EPB41L1: variants seen among roughly 807,000 people sequenced by gnomAD.
EPB41L1 encodes the protein band 4.1-like protein 1.
Under a neutral mutation model 97.8 loss-of-function variants are expected in EPB41L1, and 29 were observed. That is an observed-to-expected ratio of 0.30 (90% CI 0.22 to 0.40). The LOEUF is 0.40. Among genes scored for constraint, EPB41L1 ranks in the 10% least tolerant of loss-of-function variants. The probability of loss-of-function intolerance (pLI) is 1.00; values close to 1 mark genes in which losing one functional copy is unlikely to be tolerated. For missense variants in EPB41L1, 812 were observed against 1,162.3 expected (o/e 0.70, Z 4.38); for synonymous variants, 383 against 459.2 (o/e 0.83, Z 2.12).
chr20:36,098,427 G>T (rs2147476585), intron 1 of EPB41L1, among the ~76,000 whole-genome samples: 1 of 152,278 alleles, frequency 6.6e-6, no homozygotes, highest in Non-Finnish European at 1.5e-5. Context: ...TGTCAGCAAG[G>T]TTGGCTCCTT....
intron 1 of EPB41L1, among the ~76,000 whole-genome samples, chr20:36,107,547 C>T (rs1292582855): frequency 7.1e-6 from 1 of 141,610 alleles, no homozygotes; most frequent in African/African-American, 2.6e-5. Flanking sequence ...ATCATAAAGG[C>T]GGCTGGGCAT....
intron 1 of EPB41L1, among the ~76,000 whole-genome samples, chr20:36,159,304 A>G (rs1018111479): frequency 2.0e-5 from 3 of 152,222 alleles, no homozygotes; most frequent in African/African-American, 7.2e-5. Context: ...ATAGCAGTAA[A>G]TTGGGACTAA....
Position 36,209,763 on chromosome 20 carries a change from C to T in EPB41L1, c.1944C>T (p.Ser648=), listed in dbSNP as rs202053612. 2.9e-5 allele frequency: 47 copies of T among 1,614,126 alleles called. No individual in the cohort carries two copies. The East Asian group carries it at 6.9e-4, about 24-fold the overall frequency. Residue 648 remains serine (S), a synonymous_variant, in exon 15 of 22, where the codon AGC becomes AGT. Transcript: ENST00000338074. This position sits in a 1 kb window ranked among gnomAD's most constrained non-coding sequence, Gnocchi z 4.2. ...TGCCTGAGCTCGACCGGGACAAAAGCGACTCGGACACTGAGGGCCTGCTGT... is the reference window on the plus strand; with the variant it reads ...TGCCTGAGCTCGACCGGGACAAAAGTGACTCGGACACTGAGGGCCTGCTGT... ...RSLPELDRDK[S]DSDTEGLLFS...
chr20:36,143,137 TTGTGTGTGTGTGTGTGTGTGTGTGTG>T (rs59256378), intron 2 of EPB41L1, among the ~76,000 whole-genome samples: 1 of 130,710 alleles, frequency 7.7e-6, no homozygotes, highest in Non-Finnish European at 1.7e-5. Flanking sequence ...GAGGGTGTGT[TTGTGTGTGTGTGTGTGTGTGTGTGTG>T]TGTGTGTGTG....
chr20:36,132,280 C>T (rs370626789), intron 2 of EPB41L1, among the ~76,000 whole-genome samples: 2 of 152,238 alleles, frequency 1.3e-5, no homozygotes, highest in East Asian at 3.9e-4. Flanking sequence ...AGGATCCTCA[C>T]CTGGCCTTTT....
chr20:36,170,058 G>A (rs1459279605), intron 1 of EPB41L1, among the ~76,000 whole-genome samples: 3 of 152,198 alleles, frequency 2.0e-5, no homozygotes, highest in Admixed American at 6.5e-5. Context: ...CAGAAGCCAC[G>A]GCCACCTAGG....
In EPB41L1 at chr20:36,182,299, T is replaced by C. The variant is rs371944989; in HGVS notation, c.518T>C (p.Val173Ala). 2 of 1,613,882 alleles carry C rather than the reference T, an allele frequency of 1.2e-6. No homozygotes were observed. The highest frequency in any genetic ancestry group is 1.7e-6 in the Non-Finnish European group (2 of 1,179,938). ...AGCCCCTGGAATTTTGCCTTCACAG[T>C]CAAGTTCTACCCGCCTGATCCTGCC... The part of the protein sequence containing the change: ...RSSPWNFAFT[V>A]KFYPPDPAQL... The change falls in exon 6 of 22, where the codon GTC becomes GCC. Residue 173 changes from valine to alanine, a missense_variant. Physicochemically the swap from Val to Ala is moderately conservative, Grantham distance 64 (BLOSUM62 0). This residue lies in a region of EPB41L1 where 230 missense variants were observed against 445.2 expected (regional missense o/e 0.52). Coordinates refer to ENST00000338074, the MANE Select transcript of EPB41L1 (RefSeq NM_012156.2).
At chr20:36,107,385 TA>T (rs1471604652) in intron 1 of EPB41L1, among the ~76,000 whole-genome samples, 3 of 151,550 alleles carry the variant, frequency 2.0e-5, no homozygotes, top group Non-Finnish European at 4.4e-5. Flanking sequence ...CATACCCGGC[TA>T]ATTTTTGTAT....
At chr20:36,165,006 G>A (rs1436131039) in intron 1 of EPB41L1, among the ~76,000 whole-genome samples, 1 of 151,044 alleles carries the variant, frequency 6.6e-6, no homozygotes, top group African/African-American at 2.4e-5. Context: ...TTTTGAGACA[G>A]AATCTCGTTC....
intron 14 of EPB41L1, among the ~76,000 whole-genome samples, chr20:36,204,648 C>T (rs536472107): frequency 2.0e-5 from 3 of 151,174 alleles, no homozygotes; most frequent in Non-Finnish European, 4.4e-5. Flanking sequence ...CCGCGCCTGG[C>T]CTTTCTTTTT....
intron 6 of EPB41L1, among the ~76,000 whole-genome samples, 158 bp from the exon 7 acceptor site, chr20:36,184,959 A>T (rs1212904423): frequency 6.6e-6 from 1 of 152,274 alleles, no homozygotes; most frequent in African/African-American, 2.4e-5. Context: ...AAACCATCTC[A>T]TGAGACATAC....
At chr20:36,117,747 A>G (rs1229573553) in intron 2 of EPB41L1, among the ~76,000 whole-genome samples, 1 of 152,212 alleles carries the variant, frequency 6.6e-6, no homozygotes, top group Non-Finnish European at 1.5e-5. Flanking sequence ...AGCTACTGGG[A>G]CAGCCTCTGG....
intron 2 of EPB41L1, among the ~76,000 whole-genome samples, chr20:36,136,589 CT>C (rs200537490): frequency 0.078 from 11,192 of 142,934 alleles, 486 homozygotes; most frequent in East Asian, 0.15. Flanking sequence ...TTTTTTCTTT[CT>C]TTTTTTTTTT....
chr20:36,220,415 T>C (rs866671833), intron 19 of EPB41L1, among the ~76,000 whole-genome samples: 8 of 152,172 alleles, frequency 5.3e-5, no homozygotes, highest in Middle Eastern at 3.4e-3. Flanking sequence ...GAGAAGCACA[T>C]GTAGGGGGTG....
rs1600887329 is a variant in EPB41L1 at position 36,197,578 on chromosome 20, TC to T, written c.1486-280del. Reference sequence around the variant, plus strand: ...TGGGCTTTGGGTAGAGGTTGGCTGTTCAGAGGCTGTAGAGCCAGGCAAGGGA... The same window carrying T: ...TGGGCTTTGGGTAGAGGTTGGCTGTTAGAGGCTGTAGAGCCAGGCAAGGGA... On this transcript the variant is annotated intron_variant, in intron 13 of 21. Coordinates refer to ENST00000338074, the MANE Select transcript of EPB41L1 (RefSeq NM_012156.2). 15 of 965,692 alleles carry T rather than the reference TC, an allele frequency of 1.6e-5. No homozygotes were observed. The South Asian group carries it at 6.2e-4, about 40-fold the overall frequency. The allele number at this position is 965,692 out of a possible 1,614,324, so 59.8% of individuals were successfully genotyped here.
rs968362701 is a variant in EPB41L1 at position 36,231,647 on chromosome 20, A to C, written c.*2307A>C. ...GGTGCTGGCCTGAGGCAGGGCAGGA[A>C]ATCAGAATAGCATTTGCTTCTCTGG... On this transcript the variant is annotated 3_prime_UTR_variant, in exon 22 of 22. Coordinates refer to ENST00000338074, the MANE Select transcript of EPB41L1 (RefSeq NM_012156.2). 1 of 152,358 alleles carries C rather than the reference A, an allele frequency of 6.6e-6. No individual in the cohort carries two copies. Among genetic ancestry groups the C allele is most frequent in the African/African-American group, 2.4e-5 (1 of 41,464 alleles). 9.4% of individuals were successfully genotyped at this position (152,358 alleles called of 1,614,324 possible). A position where few individuals can be genotyped will look rare whatever the true frequency, so the allele number is the denominator to read the frequency against.
chr20:36,232,610 G>A lies in EPB41L1; in HGVS notation c.*3270G>A, dbSNP rs1335642126. On this transcript the variant is annotated 3_prime_UTR_variant, in exon 22 of 22. Coordinates refer to ENST00000338074, the MANE Select transcript of EPB41L1 (RefSeq NM_012156.2). ...TGAAACTGCATGAGCAACATCACTC[G>A]AAATAATTTTTTTTTTCAAAAGCAC... is the stretch of plus-strand genomic sequence containing the variant. 2 of 398,820 alleles carry A rather than the reference G, an allele frequency of 5.0e-6. No individual in the cohort carries two copies. Among genetic ancestry groups the A allele is most frequent in the Non-Finnish European group, 4.4e-6 (1 of 226,074 alleles). 24.7% of individuals were successfully genotyped at this position (398,820 alleles called of 1,614,324 possible).
intron 1 of EPB41L1, among the ~76,000 whole-genome samples, chr20:36,160,749 A>AT: frequency 6.6e-6 from 1 of 152,308 alleles, no homozygotes; most frequent in Admixed American, 6.5e-5. Flanking sequence ...GGGATCATAC[A>AT]TTGCATTATT....
chr20:36,196,972 C>T (rs1198969495), intron 13 of EPB41L1, among the ~76,000 whole-genome samples: 1 of 152,240 alleles, frequency 6.6e-6, no homozygotes, highest in African/African-American at 2.4e-5. Flanking sequence ...CTGGCTATAC[C>T]TGGCTCAATT....
Sources: gnomAD v4.1 joint callset for allele counts (sites outside exome capture counted in the v4.1 genomes callset) on GRCh38, gnomAD v4.1.1 for gene constraint, gnomAD v4.1.1 regional missense constraint, Gnocchi (gnomAD v3.1) non-coding constraint, MANE v1.5 for transcripts, NCBI Gene and HGNC (gene_info 2026-07-23, HGNC 2026-07-21) for gene names.